PLEKHG1: variants seen among roughly 807,000 people sequenced by gnomAD.
The protein encoded by PLEKHG1 is pleckstrin homology and RhoGEF domain containing G1, also known as pleckstrin homology domain-containing family G member 1.
In PLEKHG1, 44 loss-of-function variants were observed where a neutral mutation model predicts 100.8. The ratio of observed to expected loss-of-function variants is 0.44; its 90% CI spans 0.34 to 0.56. The LOEUF (loss-of-function observed/expected upper bound fraction) is 0.56, where lower values mean the gene tolerates loss of function less well. Among genes scored for constraint, PLEKHG1 ranks in the 20% least tolerant of loss-of-function variants. PLEKHG1 has a pLI of 0.01. For missense variants in PLEKHG1, 1,545 were observed against 1,720.9 expected, an observed-to-expected ratio of 0.90 and a Z score of 1.81; for synonymous variants, 640 against 662.5, an observed-to-expected ratio of 0.97 and a Z score of 0.52.
chr6:150,638,770 A>C (rs988942200), intron 2 of PLEKHG1, among the ~76,000 whole-genome samples: 2 of 152,354 alleles, frequency 1.3e-5, no homozygotes, highest in Middle Eastern at 3.4e-3. Flanking sequence ...AATCAGTTCT[A>C]AGTCAAAACT....
At chr6:150,644,203 C>A (rs568433491) in intron 2 of PLEKHG1, among the ~76,000 whole-genome samples, 1 of 152,132 alleles carries the variant, frequency 6.6e-6, no homozygotes, top group South Asian at 2.1e-4. Flanking sequence ...GATTTTCTTG[C>A]TTATAGCCAA....
At chr6:150,700,326 G>A (rs1224782372) in intron 3 of PLEKHG1, among the ~76,000 whole-genome samples, 1 of 152,140 alleles carries the variant, frequency 6.6e-6, no homozygotes, top group Non-Finnish European at 1.5e-5. Flanking sequence ...TGTGTCCCCA[G>A]GACCAGTAAC....
At chr6:150,818,973 A>G (rs546896130) in intron 11 of PLEKHG1, among the ~76,000 whole-genome samples, 2 of 152,302 alleles carry the variant, frequency 1.3e-5, no homozygotes, top group East Asian at 1.9e-4. Flanking sequence ...CAAAGTGGAA[A>G]CAGGTGCATT....
intron 3 of PLEKHG1, among the ~76,000 whole-genome samples, chr6:150,777,226 T>A (rs1403229429): frequency 6.7e-6 from 1 of 149,440 alleles, no homozygotes; most frequent in Non-Finnish European, 1.5e-5. Context: ...GGTGCACATG[T>A]GTGGTTGCAC....
intron 1 of PLEKHG1, among the ~76,000 whole-genome samples, chr6:150,722,331 C>G (rs9478792): frequency 1.0e-5 from 1 of 97,508 alleles, no homozygotes; most frequent in Non-Finnish European, 1.9e-5. Context: ...GCCTCCTTTT[C>G]TTTTTTCTTT....
intron 2 of PLEKHG1, among the ~76,000 whole-genome samples, chr6:150,645,488 A>T (rs1778456715): frequency 6.6e-6 from 1 of 152,238 alleles, no homozygotes; most frequent in Non-Finnish European, 1.5e-5. Context: ...GAGTGAAGAT[A>T]AATCATAATC....
intron 11 of PLEKHG1, 25 bp from the exon 13 acceptor site, chr6:150,819,654 C>G (rs902224736): frequency 7.3e-7 from 1 of 1,361,840 alleles, no homozygotes; most frequent in African/African-American, 1.4e-5. Flanking sequence ...CACAGTCCCA[C>G]TGATGCACGT....
At chr6:150,628,527 A>AGCACACACACACACAC (rs1358863303) in intron 1 of PLEKHG1, among the ~76,000 whole-genome samples, 3 of 94,788 alleles carry the variant, frequency 3.2e-5, no homozygotes, top group South Asian at 9.4e-4. Context: ...TAGATAGGAA[A>AGCACACACACACACAC]ACACACACAC....
chr6:150,675,659 G>GTATTT (rs1484872443), intron 3 of PLEKHG1, among the ~76,000 whole-genome samples: 1 of 152,184 alleles, frequency 6.6e-6, no homozygotes, highest in African/African-American at 2.4e-5. Context: ...GCTAATTTCT[G>GTATTT]TATTTTTGGT....
chr6:150,646,106 G>A (rs1446878194), intron 2 of PLEKHG1, among the ~76,000 whole-genome samples: 1 of 152,156 alleles, frequency 6.6e-6, no homozygotes, highest in Non-Finnish European at 1.5e-5. Flanking sequence ...AATATTGAAT[G>A]GGAGAAAGCA....
chr6:150,807,625 G>A (rs1562536299), intron 7 of PLEKHG1, among the ~76,000 whole-genome samples: 2 of 152,118 alleles, frequency 1.3e-5, no homozygotes, highest in Admixed American at 6.5e-5. Context: ...CACTAAAACG[G>A]GGAGTGGGGC....
chr6:150,821,070 A>T, intron 12 of PLEKHG1, 125 bp from the exon 14 acceptor site: 1 of 717,128 alleles, frequency 1.4e-6, no homozygotes, highest in Non-Finnish European at 2.4e-6. Flanking sequence ...GGATTTTGTT[A>T]AATTTGATAC....
At chr6:150,765,474 A>G (rs1206747591) in intron 2 of PLEKHG1, among the ~76,000 whole-genome samples, 2 of 148,570 alleles carry the variant, frequency 1.3e-5, no homozygotes, top group African/African-American at 2.6e-5. Flanking sequence ...AGCTTGGGTG[A>G]CAGAGTGAGA....
At chr6:150,677,023 A>G (rs747841655) in intron 3 of PLEKHG1, among the ~76,000 whole-genome samples, 1 of 151,640 alleles carries the variant, frequency 6.6e-6, no homozygotes. Context: ...TTCTCAAACT[A>G]TAGGCATTCT....
chr6:150,660,868 G>T (rs2079095634), intron 3 of PLEKHG1, among the ~76,000 whole-genome samples: 1 of 152,200 alleles, frequency 6.6e-6, no homozygotes, highest in Non-Finnish European at 1.5e-5. Flanking sequence ...AATTTTGCCA[G>T]TGTTTTGCCT....
chr6:150,808,583 C>T (rs1377347461), intron 7 of PLEKHG1, among the ~76,000 whole-genome samples: 5 of 152,146 alleles, frequency 3.3e-5, no homozygotes, highest in South Asian at 2.1e-4. Context: ...AACCCCATCT[C>T]GACTAAAAAT....
At chr6:150,804,832 C>A in intron 7 of PLEKHG1, 91 bp downstream of exon 8, 2 of 1,166,366 alleles carry the variant, frequency 1.7e-6, no homozygotes, top group Non-Finnish European at 2.5e-6. Flanking sequence ...TCAAGTACTG[C>A]ACTACACTCA....
chr6:150,643,871 AT>A (rs374041254), intron 2 of PLEKHG1, among the ~76,000 whole-genome samples: 24 of 150,832 alleles, frequency 1.6e-4, no homozygotes, highest in East Asian at 1.4e-3. Context: ...AAATTCTAGG[AT>A]TTTTTCCCCC....
intron 3 of PLEKHG1, among the ~76,000 whole-genome samples, chr6:150,665,311 C>T (rs116434244): frequency 6.1e-4 from 93 of 152,302 alleles, no homozygotes; most frequent in African/African-American, 2.2e-3. Context: ...TAGAACTTTT[C>T]TTCCTGCCTG....
Sources: allele counts gnomAD v4.1 joint callset (sites outside exome capture counted in the v4.1 genomes callset), GRCh38; gene constraint gnomAD v4.1.1; transcripts MANE v1.5; gene names NCBI Gene and HGNC (gene_info 2026-07-23, HGNC 2026-07-21).